POLD2: variants seen among roughly 807,000 people sequenced by gnomAD.
POLD2 encodes the protein DNA polymerase delta 2, accessory subunit, also known as DNA polymerase delta subunit 2.
In POLD2, 31 loss-of-function variants were observed where a neutral mutation model predicts 48.8. That is an observed-to-expected ratio of 0.64 (90% confidence interval 0.48 to 0.86). POLD2 has a LOEUF of 0.86. POLD2 is among the 40% of genes least tolerant of loss of function. The pLI is 0.00. For synonymous variants in POLD2, 233 were observed against 256.3 expected, an observed-to-expected ratio of 0.91 and a Z score of 0.87; for missense variants, 455 against 610.1, an observed-to-expected ratio of 0.75 and a Z score of 2.68.
upstream of POLD2, chr7:44,123,759 G>T: frequency 7.7e-7 from 1 of 1,304,518 alleles, no homozygotes; most frequent in Non-Finnish European, 9.8e-7. Flanking sequence ...GGCCGGCGCC[G>T]CGGGTCTTTG....
chr7:44,123,261 GTCTAA>G (rs2096250566), intron 1 of POLD2: 4 of 1,356,296 alleles, frequency 2.9e-6, no homozygotes, highest in African/African-American at 1.5e-5. Flanking sequence ...CCGCACACGT[GTCTAA>G]CGAGTGACTC....
intron 2 of POLD2, among the ~76,000 whole-genome samples, chr7:44,120,489 C>G (rs1423052459): frequency 1.3e-5 from 2 of 152,184 alleles, no homozygotes; most frequent in African/African-American, 4.8e-5. Flanking sequence ...AGGTGAACAG[C>G]ACTTTGTCTC....
In POLD2 at chr7:44,117,929, G is replaced by A. The variant is rs1290915001; in HGVS notation, c.342+14C>T. 5.0e-6 allele frequency: 8 copies of A among 1,613,054 alleles called. No homozygotes were observed. Among genetic ancestry groups the A allele is most frequent in the East Asian group, 4.5e-5 (2 of 44,884 alleles). On this transcript the variant is annotated intron_variant, in intron 3 of 10. Transcript: ENST00000610533. ...GTCTGCCTGGCGGCCCCACTGTGTA[G>A]CACCCTGCCTCACCTCCTCGCTGAC... is the stretch of plus-strand genomic sequence containing the variant.
intron 4 of POLD2, 111 bp downstream of exon 4, chr7:44,117,508 C>G: frequency 7.4e-7 from 1 of 1,345,966 alleles, no homozygotes; most frequent in South Asian, 1.4e-5. Flanking sequence ...CACACGTGTG[C>G]CCAGGCCACA....
At chr7:44,123,267 C>A in intron 1 of POLD2, 1 of 1,357,514 alleles carries the variant, frequency 7.4e-7, no homozygotes, top group Non-Finnish European at 9.4e-7. Context: ...ACGTGTCTAA[C>A]GAGTGACTCG....
At position 44,121,687 on chromosome 7, in the gene POLD2, T is replaced by G; in HGVS notation, c.220+147A>C. ...ACTTAATTTAATCCTTGTTACTATC[T>G]TAAGAAGAAACTGAGGGAAAAAGAG... On this transcript the variant is annotated intron_variant, in intron 2 of 10. Coordinates refer to ENST00000610533, the MANE Select transcript of POLD2 (RefSeq NM_006230.4). This position sits in a 1 kb window ranked among gnomAD's most constrained non-coding sequence, Gnocchi z 4.5. 1.3e-6 allele frequency: 1 copy of G among 797,654 alleles called. No homozygotes were observed. Among genetic ancestry groups the G allele is most frequent in the South Asian group, 1.9e-5 (1 of 53,890 alleles). The allele number at this position is 797,654 out of a possible 1,614,324, so 49.4% of individuals were successfully genotyped here.
At chr7:44,119,615 G>C (rs1253112347) in intron 2 of POLD2, among the ~76,000 whole-genome samples, 1 of 152,218 alleles carries the variant, frequency 6.6e-6, no homozygotes, top group Non-Finnish European at 1.5e-5. Flanking sequence ...TGCACAGAGA[G>C]GTTAAGCAAT....
chr7:44,121,978 G>A lies in POLD2; in HGVS notation c.76C>T (p.Arg26Trp), dbSNP rs773884412. The change falls in exon 2 of 11, where the codon CGG (arginine) becomes TGG (tryptophan). Residue 26 changes from arginine to tryptophan, a missense_variant. Coordinates refer to ENST00000610533, the MANE Select transcript of POLD2 (RefSeq NM_006230.4). This position sits in a 1 kb window ranked among gnomAD's most constrained non-coding sequence, Gnocchi z 4.5. ...TTGGTGTAGGTTGCCACTGGCACCC[G>A]GGCAAAGGTGGCATTGTTGGCTGAT... ...PPSANNATFA[R>W]VPVATYTNSS... The A allele has an allele frequency of 7.4e-6, 12 of 1,613,846 alleles. No individual in the cohort carries two copies. Among genetic ancestry groups the A allele is most frequent in the Non-Finnish European group, 1.0e-5 (12 of 1,180,038 alleles).
intron 9 of POLD2, 56 bp downstream of exon 9, chr7:44,115,710 G>C: frequency 6.3e-7 from 1 of 1,591,924 alleles, no homozygotes; most frequent in Admixed American, 1.8e-5. Flanking sequence ...TGCACTTCAG[G>C]GTCCTGCCAG....
At chr7:44,117,916 G>GT (rs2096242794) in intron 3 of POLD2, 27 bp downstream of exon 3, 2 of 1,610,254 alleles carry the variant, frequency 1.2e-6, no homozygotes, top group African/African-American at 1.3e-5. Context: ...CTGCCTGGCG[G>GT]CCCCACTGTG....
intron 4 of POLD2, 101 bp downstream of exon 4, chr7:44,117,518 A>AC (rs1054470221): frequency 5.5e-5 from 77 of 1,403,278 alleles, no homozygotes; most frequent in Middle Eastern, 4.8e-4. Flanking sequence ...CCCAGGCCAC[A>AC]CCCCCCCACT....
chr7:44,116,744 C>T lies in POLD2; in HGVS notation c.780+73G>A. On this transcript the variant is annotated intron_variant, in intron 6 of 10. Coordinates refer to ENST00000610533, the MANE Select transcript of POLD2 (RefSeq NM_006230.4). The surrounding 1 kb of genome is among the most constrained non-coding windows in gnomAD (Gnocchi z 6.1). ...AGACCTCACAGGGTACCCTACTCGCCCTGGGGAAGGAGGGTCTTACAGGCT... is the reference window on the plus strand; with the variant it reads ...AGACCTCACAGGGTACCCTACTCGCTCTGGGGAAGGAGGGTCTTACAGGCT... 2 of 1,535,996 alleles carry T rather than the reference C, an allele frequency of 1.3e-6. No individual in the cohort carries two copies. The highest frequency in any genetic ancestry group is 1.8e-6 in the Non-Finnish European group (2 of 1,115,690).
upstream of POLD2, chr7:44,123,575 ATCCCCGCGCGGCT>A: frequency 6.8e-7 from 1 of 1,464,854 alleles, no homozygotes; most frequent in Non-Finnish European, 9.0e-7. Flanking sequence ...CAACTCGCTA[ATCCCCGCGCGGCT>A]TCCCCGCCCA....
upstream of POLD2, chr7:44,123,618 G>T: frequency 7.1e-7 from 1 of 1,413,582 alleles, no homozygotes; most frequent in Non-Finnish European, 9.2e-7. Context: ...CTCACCAATC[G>T]CTGCCCTCCT....
chr7:44,117,184 C>A lies in POLD2; in HGVS notation c.530G>T (p.Cys177Phe). Reference protein sequence around the residue: ...DDGKFLVEDYCFADLAPQKPA... With the variant: ...DDGKFLVEDYFFADLAPQKPA... ...CTTCTGGGGAGCAAGGTCAGCAAAG[C>A]AATAGTCCTCCACCAGAAACTTCCC... The change falls in exon 5 of 11, where the codon TGC becomes TTC. Residue 177 changes from cysteine (C) to phenylalanine (F), a missense_variant. By Grantham distance (205) the Cys-to-Phe change is radical. Transcript: ENST00000610533. 1 of 1,614,086 alleles carries A rather than the reference C, an allele frequency of 6.2e-7. No homozygotes were observed. The highest frequency in any genetic ancestry group is 8.5e-7 in the Non-Finnish European group (1 of 1,179,990).
At chr7:44,115,259 GCAAATCA>G (rs771542122) in intron 10 of POLD2, 29 bp downstream of exon 10, 58 of 1,205,172 alleles carry the variant, frequency 4.8e-5, no homozygotes, top group African/African-American at 1.4e-4. Context: ...GAGCAAATCA[GCAAATCA>G]GCCTGGGCCC....
At chr7:44,123,087 A>T in intron 1 of POLD2, 1 of 297,624 alleles carries the variant, frequency 3.4e-6, no homozygotes, top group Non-Finnish European at 5.4e-6. Flanking sequence ...TATCCCAATA[A>T]TTTTTTCACA....
intron 9 of POLD2, 104 bp from the exon 10 acceptor site, chr7:44,115,500 A>G: frequency 1.2e-6 from 1 of 825,664 alleles, no homozygotes; most frequent in East Asian, 2.5e-5. Context: ...CCAGTAGGAG[A>G]CCCCCAGTGT....
chr7:44,115,657 T>G, intron 9 of POLD2, 109 bp downstream of exon 9: 1 of 1,245,978 alleles, frequency 8.0e-7, no homozygotes. Flanking sequence ...CCTCAGACAG[T>G]TCTCAGCAAT....
Sources: gnomAD v4.1 joint callset for allele counts (sites outside exome capture counted in the v4.1 genomes callset) on GRCh38, gnomAD v4.1.1 for gene constraint, Gnocchi (gnomAD v3.1) non-coding constraint, MANE v1.5 for transcripts, NCBI Gene and HGNC (gene_info 2026-07-23, HGNC 2026-07-21) for gene names.